The following SLC39A8 variants were observed in gnomAD, a reference collection of about 807,000 sequenced individuals.
SLC39A8 encodes metal cation symporter ZIP8.
SLC39A8 carries 15 observed loss-of-function variants against 40.4 expected under a neutral mutation model. That is an observed-to-expected ratio of 0.37 (90% CI 0.25 to 0.57). The LOEUF is 0.57. Ranked by LOEUF, SLC39A8 falls within the 20% of genes least tolerant of loss-of-function variation. The pLI, the probability that SLC39A8 is intolerant of heterozygous loss-of-function variation, is 0.75. For synonymous variants in SLC39A8, 223 were observed against 221.6 expected, an observed-to-expected ratio of 1.01 and a Z score of -0.06; for missense variants, 472 against 558.8, an observed-to-expected ratio of 0.84 and a Z score of 1.57.
At chr4:102,271,369 C>A (rs1732356976) in intron 6 of SLC39A8, among the ~76,000 whole-genome samples, 1 of 152,120 alleles carries the variant, frequency 6.6e-6, no homozygotes, top group Admixed American at 6.5e-5. Context: ...ATAAAGTGAA[C>A]AAGAAAATCT....
At chr4:102,304,743 ATC>A (rs1425951459) in intron 5 of SLC39A8, among the ~76,000 whole-genome samples, 1 of 151,722 alleles carries the variant, frequency 6.6e-6, no homozygotes, top group African/African-American at 2.4e-5. Context: ...AATTATGCAC[ATC>A]TGTTATTCAA....
chr4:102,302,230 G>T (rs567269266), intron 6 of SLC39A8, among the ~76,000 whole-genome samples: 2 of 151,944 alleles, frequency 1.3e-5, no homozygotes, highest in Non-Finnish European at 2.9e-5. Flanking sequence ...ATCAGAGCAA[G>T]AATTCAAGTT....
At chr4:102,320,701 T>C (rs1734923493) in intron 2 of SLC39A8, among the ~76,000 whole-genome samples, 1 of 68,672 alleles carries the variant, frequency 1.5e-5, no homozygotes, top group Non-Finnish European at 2.7e-5. Flanking sequence ...TGAGAGTATA[T>C]ATATATGAGA....
chr4:102,320,320 A>G (rs867089602), intron 2 of SLC39A8, among the ~76,000 whole-genome samples: 1 of 124,430 alleles, frequency 8.0e-6, no homozygotes, highest in African/African-American at 3.0e-5. Context: ...GTATATATAT[A>G]TGAGAATGTA....
chr4:102,320,229 G>GTA (rs1182968784), intron 2 of SLC39A8, among the ~76,000 whole-genome samples: 5 of 127,628 alleles, frequency 3.9e-5, no homozygotes, highest in South Asian at 4.9e-4. Context: ...ATATGTATGA[G>GTA]TATATATATA....
rs907327833 is a variant in SLC39A8, at chr4:102,336,270, G to A, written c.219+8174C>T. Among the ~76,000 whole-genome samples the A allele has an allele frequency of 5.3e-5, 8 of 152,104 alleles. No individual in the cohort carries two copies. In the East Asian group the frequency reaches 5.8e-4, roughly 11 times the overall value. On this transcript the variant is annotated intron_variant, in intron 2 of 8. Transcript: ENST00000356736. ...TAAGGCTCTTTTTTTCTCAATTTACGGATGTGAAAACTAAGGATTACAAAA... is the reference window on the plus strand; with the variant it reads ...TAAGGCTCTTTTTTTCTCAATTTACAGATGTGAAAACTAAGGATTACAAAA...
At chr4:102,293,658 G>T (rs537285501) in intron 6 of SLC39A8, among the ~76,000 whole-genome samples, 1 of 151,904 alleles carries the variant, frequency 6.6e-6, no homozygotes, top group East Asian at 1.9e-4. Flanking sequence ...AAATCTAACA[G>T]AATATTTTAA....
chr4:102,288,022 AG>A (rs1245583719), intron 6 of SLC39A8, among the ~76,000 whole-genome samples: 1 of 152,132 alleles, frequency 6.6e-6, no homozygotes, highest in Non-Finnish European at 1.5e-5. Context: ...TTAGTTATTC[AG>A]GAGTGACAGG....
chr4:102,322,003 G>A (rs995364089), intron 2 of SLC39A8, among the ~76,000 whole-genome samples: 4 of 152,184 alleles, frequency 2.6e-5, no homozygotes, highest in African/African-American at 9.7e-5. Flanking sequence ...TTTGGTAGAT[G>A]TCTGTGGTTT....
At chr4:102,292,162 G>A (rs1324513097) in intron 6 of SLC39A8, among the ~76,000 whole-genome samples, 1 of 151,952 alleles carries the variant, frequency 6.6e-6, no homozygotes, top group African/African-American at 2.4e-5. Flanking sequence ...ATAATGTATA[G>A]TTCAAAACTG....
exon 12 of SLC39A8, chr4:102,253,271 C>T (rs1731634845): frequency 9.0e-6 from 4 of 445,028 alleles, no homozygotes; most frequent in Admixed American, 4.1e-5. Flanking sequence ...GAGGCTGTAT[C>T]TTCCTTACTC....
chr4:102,282,958 C>T lies in SLC39A8; in HGVS notation c.841-14879G>A, dbSNP rs574520201. On this transcript the variant is annotated intron_variant, in intron 6 of 8. Coordinates refer to ENST00000356736, the MANE Select transcript of SLC39A8 (RefSeq NM_001135146.2). ...AGCCGGGATGGTCTCGATCTCTTGA[C>T]CTCATGATCCACCTGCCTCAGCCTC... Among the ~76,000 whole-genome samples, 11 of 152,238 alleles carry T rather than the reference C, an allele frequency of 7.2e-5. No homozygotes were observed. The South Asian group carries it at 8.3e-4, about 11-fold the overall frequency.
intron 2 of SLC39A8, among the ~76,000 whole-genome samples, chr4:102,332,190 T>C (rs1485541457): frequency 6.6e-6 from 1 of 152,264 alleles, no homozygotes; most frequent in East Asian, 1.9e-4. Flanking sequence ...CTAAAGAGCT[T>C]CTGCACAGCA....
intron 8 of SLC39A8, among the ~76,000 whole-genome samples, chr4:102,266,640 G>A (rs182450950): frequency 9.3e-5 from 14 of 150,212 alleles, no homozygotes; most frequent in African/African-American, 3.0e-4. Flanking sequence ...ATGGAGTCTC[G>A]TTCTGTCGTC....
chr4:102,336,253 T>C (rs2149054544), intron 2 of SLC39A8, among the ~76,000 whole-genome samples: 1 of 152,336 alleles, frequency 6.6e-6, no homozygotes, highest in South Asian at 2.1e-4. Flanking sequence ...AGTAAGGCTC[T>C]TTTTTTCTCA....
At chr4:102,294,688 C>G (rs990048688) in intron 6 of SLC39A8, among the ~76,000 whole-genome samples, 7 of 152,002 alleles carry the variant, frequency 4.6e-5, no homozygotes, top group African/African-American at 1.7e-4. Flanking sequence ...TTGCAACAGT[C>G]TTGAATACAC....
At chr4:102,342,550 A>T (rs1359161447) in intron 2 of SLC39A8, among the ~76,000 whole-genome samples, 10 of 152,200 alleles carry the variant, frequency 6.6e-5, no homozygotes, top group African/African-American at 2.4e-4. Context: ...ATTAAGTGGT[A>T]AATTTTCCTT....
chr4:102,333,842 C>CGTG (rs1735566491), intron 2 of SLC39A8, among the ~76,000 whole-genome samples: 1 of 151,196 alleles, frequency 6.6e-6, no homozygotes, highest in East Asian at 1.9e-4. Context: ...GAGATGGAAA[C>CGTG]CTGAGGAGCA....
intron 6 of SLC39A8, among the ~76,000 whole-genome samples, chr4:102,281,740 CAG>C (rs1732885129): frequency 6.6e-6 from 1 of 152,092 alleles, no homozygotes; most frequent in African/African-American, 2.4e-5. Flanking sequence ...TTCAGAAAAA[CAG>C]AGGCTGTCTC....
Sources: gnomAD v4.1 joint callset for allele counts (sites outside exome capture counted in the v4.1 genomes callset) on GRCh38, gnomAD v4.1.1 for gene constraint, MANE v1.5 for transcripts, NCBI Gene and HGNC (gene_info 2026-07-23, HGNC 2026-07-21) for gene names.